ANK2: variants seen among roughly 807,000 people sequenced by gnomAD.
ANK2 encodes ankyrin-2.
In ANK2, 83 loss-of-function variants were observed where a neutral mutation model predicts 360.5. That is an observed-to-expected ratio of 0.23 (90% CI 0.19 to 0.28). The LOEUF (loss-of-function observed/expected upper bound fraction) is 0.28, where lower values mean the gene tolerates loss of function less well. Ranked by LOEUF, ANK2 falls within the 10% of genes least tolerant of loss-of-function variation. The pLI, the probability that ANK2 is intolerant of heterozygous loss-of-function variation, is 1.00. For missense variants in ANK2, 4,201 were observed against 4,795.7 expected (o/e 0.88, Z 3.66); for synonymous variants, 1,740 against 1,759.5 (o/e 0.99, Z 0.28).
intron 42 of ANK2, among the ~76,000 whole-genome samples, chr4:113,368,331 G>C (rs73844004): frequency 0.018 from 2,768 of 152,278 alleles, 84 homozygotes; most frequent in African/African-American, 0.061. Flanking sequence ...TGATGATGTA[G>C]ATACCACAGC....
At chr4:113,098,549 A>T (rs1225402019) in intron 1 of ANK2, among the ~76,000 whole-genome samples, 10 of 152,006 alleles carry the variant, frequency 6.6e-5, no homozygotes, top group African/African-American at 2.2e-4. Flanking sequence ...ATGGTTAATA[A>T]CCTTCTAATA....
At position 113,293,490 on chromosome 4, in the gene ANK2, G is replaced by A. The variant is rs759057278; in HGVS notation, c.2427G>A (p.Val809=). Residue 809 remains valine, a synonymous_variant, in exon 22 of 46, where the codon GTG becomes GTA. Transcript: ENST00000357077. ...AIAKRLGYIS[V]VDTLKVVTEE... ...CTAAGCGTCTGGGCTACATCTCCGTGGTCGACACCCTGAAGGTTGTGACTG... is the reference window on the plus strand; with the variant it reads ...CTAAGCGTCTGGGCTACATCTCCGTAGTCGACACCCTGAAGGTTGTGACTG... 8 of 1,613,672 alleles carry A rather than the reference G, an allele frequency of 5.0e-6. No homozygotes were observed. The highest frequency in any genetic ancestry group is 1.7e-6 in the Non-Finnish European group (2 of 1,179,960).
At chr4:112,950,826 T>C (rs1260032997) in intron 2 of ANK2, among the ~76,000 whole-genome samples, 1 of 151,102 alleles carries the variant, frequency 6.6e-6, no homozygotes, top group East Asian at 2.0e-4. Flanking sequence ...CTCACGCCTG[T>C]AATCCCAGCA....
intron 10 of ANK2, among the ~76,000 whole-genome samples, chr4:113,250,764 C>CCA (rs1554340372): frequency 5.7e-5 from 8 of 139,814 alleles, no homozygotes; most frequent in African/African-American, 1.0e-4. Flanking sequence ...CGCCCCCCCC[C>CCA]CCGACAGAGT....
At chr4:113,366,365 C>G (rs1226509625) in intron 41 of ANK2, among the ~76,000 whole-genome samples, 1 of 135,502 alleles carries the variant, frequency 7.4e-6, no homozygotes, top group Non-Finnish European at 1.6e-5. Flanking sequence ...ATTTTCTTTA[C>G]TTAAATTTCA....
chr4:112,827,144 C>T (rs2058585850), intron 1 of ANK2: 1 of 1,142,126 alleles, frequency 8.8e-7, no homozygotes, highest in South Asian at 1.2e-5. Flanking sequence ...TGAATGACTA[C>T]TTACAAGGCA....
At chr4:113,335,062 CT>C (rs1414964589) in intron 29 of ANK2, among the ~76,000 whole-genome samples, 5 of 152,082 alleles carry the variant, frequency 3.3e-5, no homozygotes. Context: ...AAATGAACAA[CT>C]TTCCATCACC....
intron 16 of ANK2, among the ~76,000 whole-genome samples, chr4:113,278,243 T>C (rs1402884755): frequency 6.6e-6 from 1 of 152,208 alleles, no homozygotes; most frequent in Non-Finnish European, 1.5e-5. Flanking sequence ...ATTGTGACCC[T>C]CAAGATCCCC....
intron 36 of ANK2, among the ~76,000 whole-genome samples, chr4:113,349,015 CTAA>C (rs2095200897): frequency 6.6e-6 from 1 of 151,990 alleles, no homozygotes. Context: ...CAGAACTATG[CTAA>C]TAATAATAAT....
intron 17 of ANK2, among the ~76,000 whole-genome samples, chr4:113,279,490 T>A (rs1443454188): frequency 6.6e-6 from 1 of 151,974 alleles, no homozygotes; most frequent in African/African-American, 2.4e-5. Flanking sequence ...TGTACCTGTG[T>A]TTGACCTCAG....
At chr4:112,868,875 T>A (rs1419531380) in intron 1 of ANK2, among the ~76,000 whole-genome samples, 1 of 152,206 alleles carries the variant, frequency 6.6e-6, no homozygotes, top group Non-Finnish European at 1.5e-5. Context: ...TATGAGTTTT[T>A]ATATATTATG....
At chr4:113,091,559 A>G (rs977011408) in intron 1 of ANK2, among the ~76,000 whole-genome samples, 2 of 152,354 alleles carry the variant, frequency 1.3e-5, no homozygotes, top group Middle Eastern at 3.4e-3. Context: ...ACTTTCTAAA[A>G]CAGAGAAATG....
At position 113,098,375 on chromosome 4, in the gene ANK2, A is replaced by G. The variant is rs1329460411; in HGVS notation, c.84+48563A>G. The stretch of plus-strand genomic sequence containing the variant: ...AATATCAGAAATCAAAGAGGGATGG[A>G]TCATCACCGTTGATTCCATGGATAT... On this transcript the variant is annotated intron_variant, in intron 1 of 45. Transcript: ENST00000357077. Among the ~76,000 whole-genome samples the G allele has an allele frequency of 2.0e-5, 3 of 152,148 alleles. No homozygotes were observed. In the South Asian group the frequency reaches 6.2e-4, roughly 32 times the overall value.
chr4:112,829,491 C>CAAAAAAAAAA (rs60272903), intron 1 of ANK2, among the ~76,000 whole-genome samples: 661 of 60,684 alleles, frequency 0.011, 100 homozygotes, highest in African/African-American at 0.047. Flanking sequence ...CCCATCTCTA[C>CAAAAAAAAAA]AAAAAAAAAA....
At chr4:112,810,149 ATATATATATATTTTTTTTT>A in the ANK2 span, among the ~76,000 whole-genome samples, 424 of 30,306 alleles carry the variant, frequency 0.014, 4 homozygotes, top group East Asian at 0.077. Context: ...ATATATATAT[ATATATATATATTTTTTTTT>A]TTTTTTTTTT....
At chr4:113,151,873 T>C (rs2097100603) in intron 1 of ANK2, among the ~76,000 whole-genome samples, 1 of 139,684 alleles carries the variant, frequency 7.2e-6, no homozygotes, top group Non-Finnish European at 1.6e-5. Context: ...CAAGACCCCC[T>C]GGGAAACATA....
At chr4:113,252,419 CTAAG>C (rs1479398371) in intron 10 of ANK2, among the ~76,000 whole-genome samples, 2 of 152,210 alleles carry the variant, frequency 1.3e-5, no homozygotes, top group Non-Finnish European at 2.9e-5. Flanking sequence ...AAGCAACTAT[CTAAG>C]TGTCACCCCC....
At chr4:113,145,826 G>C (rs1255732733) in intron 1 of ANK2, 2 of 1,287,448 alleles carry the variant, frequency 1.6e-6, no homozygotes, top group Admixed American at 4.6e-5. Context: ...AGAGTGCAGA[G>C]GGCAAGGACG....
intron 29 of ANK2, among the ~76,000 whole-genome samples, chr4:113,334,270 TAA>T (rs1373841518): frequency 6.6e-6 from 1 of 152,196 alleles, no homozygotes; most frequent in African/African-American, 2.4e-5. Context: ...CTAGATATGT[TAA>T]GTCAATATCT....
Sources: gnomAD v4.1 joint callset for allele counts (sites outside exome capture counted in the v4.1 genomes callset) on GRCh38, gnomAD v4.1.1 for gene constraint, MANE v1.5 for transcripts, NCBI Gene and HGNC (gene_info 2026-07-23, HGNC 2026-07-21) for gene names.